The following ZBTB4 variants were observed in gnomAD, a reference collection of about 807,000 sequenced individuals.
ZBTB4 encodes the protein zinc finger and BTB domain-containing protein 4.
Under a neutral mutation model 59.8 loss-of-function variants are expected in ZBTB4, and 14 were observed. The ratio of observed to expected loss-of-function variants is 0.23; its 90% CI spans 0.15 to 0.37. The LOEUF is 0.37. Among genes scored for constraint, ZBTB4 ranks in the 10% least tolerant of loss-of-function variants. The probability of loss-of-function intolerance (pLI) is 1.00; values close to 1 mark genes in which losing one functional copy is unlikely to be tolerated. For missense variants in ZBTB4, 1,198 were observed against 1,380.8 expected, an observed-to-expected ratio of 0.87 and a Z score of 2.10; for synonymous variants, 587 against 575.2, an observed-to-expected ratio of 1.02 and a Z score of -0.29.
upstream of ZBTB4, among the ~76,000 whole-genome samples, chr17:7,480,765 TATAA>T (rs2070334920): frequency 6.6e-6 from 1 of 151,876 alleles, no homozygotes; most frequent in Non-Finnish European, 1.5e-5. Context: ...CCATGCAAGA[TATAA>T]ATAAACAAAT....
upstream of ZBTB4, chr17:7,482,243 C>G: frequency 1.2e-6 from 2 of 1,614,030 alleles, no homozygotes; most frequent in Non-Finnish European, 1.7e-6. Flanking sequence ...TGCCCTGCTA[C>G]TTAAACTGCG....
chr17:7,463,095 G>A lies in ZBTB4; in HGVS notation c.1887C>T (p.Ser629=), dbSNP rs779134500. Residue 629 remains serine, a synonymous_variant, in exon 4 of 4, where the codon AGC becomes AGT. Coordinates refer to ENST00000380599, the MANE Select transcript of ZBTB4 (RefSeq NM_001128833.2). ...CCTCACTCTCCTCCATCTCCTCTCCGCTCAGCTCCCCAGGACGCAGGTCAG... is the reference window on the plus strand; with the variant it reads ...CCTCACTCTCCTCCATCTCCTCTCCACTCAGCTCCCCAGGACGCAGGTCAG... ...SETDLRPGEL[S]GEEMEESEED... 53 of 1,609,988 alleles carry A rather than the reference G, an allele frequency of 3.3e-5. No homozygotes were observed. The highest frequency in any genetic ancestry group is 8.0e-5 in the African/African-American group (6 of 74,904).
intron 1 of ZBTB4, among the ~76,000 whole-genome samples, chr17:7,472,534 C>T (rs1289086515): frequency 6.6e-6 from 1 of 151,112 alleles, no homozygotes; most frequent in African/African-American, 2.4e-5. Flanking sequence ...TTTCACCATG[C>T]TGGCAAGGCT....
At chr17:7,467,106 C>G in intron 2 of ZBTB4, 151 bp downstream of exon 2, 1 of 944,474 alleles carries the variant, frequency 1.1e-6, no homozygotes, top group African/African-American at 1.8e-5. Context: ...GTAAGTGAGG[C>G]AAATCTCTCT....
chr17:7,474,734 A>AGG (rs945065169), intron 1 of ZBTB4, among the ~76,000 whole-genome samples: 2 of 152,104 alleles, frequency 1.3e-5, no homozygotes, highest in Admixed American at 1.3e-4. Flanking sequence ...CTTCTGGGCC[A>AGG]GGCACAGTGG....
upstream of ZBTB4, chr17:7,483,475 A>C: frequency 4.2e-6 from 1 of 236,658 alleles, no homozygotes; most frequent in Non-Finnish European, 8.5e-6. Context: ...ATTGACATCA[A>C]ACAAGGATTA....
At chr17:7,464,939 A>T (rs541980030) in intron 3 of ZBTB4, among the ~76,000 whole-genome samples, 1 of 147,534 alleles carries the variant, frequency 6.8e-6, no homozygotes, top group Non-Finnish European at 1.5e-5. Context: ...GGTGGATCAC[A>T]AGGTCAGGAA....
rs747137419 is a variant in ZBTB4, at chr17:7,466,100, G to A, written c.702C>T (p.Leu234=). 1.9e-6 allele frequency: 3 copies of A among 1,606,568 alleles called. No homozygotes were observed. Among genetic ancestry groups the A allele is most frequent in the Non-Finnish European group, 2.6e-6 (3 of 1,175,642 alleles). The part of the protein sequence containing the change: ...DLQCSLPRRP[L]PCPQCGKSFI... ...AGCTTTTTCCACACTGGGGGCAGGG[G>A]AGGGGCCGCCGGGGCAGGGAGCACT... is the stretch of plus-strand genomic sequence containing the variant. The change falls in exon 3 of 4, where the codon CTC becomes CTT. Residue 234 remains leucine (L), a synonymous_variant. Coordinates refer to ENST00000380599, the MANE Select transcript of ZBTB4 (RefSeq NM_001128833.2). This position sits in a 1 kb window ranked among gnomAD's most constrained non-coding sequence, Gnocchi z 9.1.
chr17:7,466,283 G>T lies in ZBTB4; in HGVS notation c.519C>A (p.Ser173=). 6.2e-7 allele frequency: 1 copy of T among 1,613,398 alleles called. No homozygotes were observed. The highest frequency in any genetic ancestry group is 8.5e-7 in the Non-Finnish European group (1 of 1,179,564). ...IGALGRRLGI[S]RLQGLGEGGD... is the part of the protein sequence containing the mutation. ...CTCCCTCCCCCAGGCCCTGAAGGCG[G>T]GAGATGCCCAGACGGCGCCCCAAAG... The change falls in exon 3 of 4, where the codon TCC becomes TCA. Residue 173 remains serine, a synonymous_variant. Coordinates refer to ENST00000380599, the MANE Select transcript of ZBTB4 (RefSeq NM_001128833.2). The surrounding 1 kb of genome is among the most constrained non-coding windows in gnomAD (Gnocchi z 9.1).
intron 3 of ZBTB4, among the ~76,000 whole-genome samples, chr17:7,464,434 A>G (rs2070082645): frequency 2.3e-5 from 2 of 85,348 alleles, no homozygotes; most frequent in Admixed American, 2.0e-4. Flanking sequence ...AAAAAAAGAA[A>G]AAAAAAAAAA....
intron 1 of ZBTB4, among the ~76,000 whole-genome samples, chr17:7,467,562 C>T (rs1318495280): frequency 6.6e-6 from 1 of 152,138 alleles, no homozygotes; most frequent in Non-Finnish European, 1.5e-5. Flanking sequence ...CCTTGTTCTG[C>T]GGGCCCAGAG....
chr17:7,474,513 C>T lies in ZBTB4; in HGVS notation c.-81+4943G>A, dbSNP rs182639233. 2.4e-3 allele frequency among the ~76,000 whole-genome samples: 368 copies of T among 152,178 alleles called. 4 individuals carry two copies. Among genetic ancestry groups the T allele is most frequent in the South Asian group, 3.9e-3 (19 of 4,820 alleles). ...AATTACAGGTGTGAGCCACAGCGCC[C>T]GGCCAAGGGTAGGGAATTTTGTCTG... On this transcript the variant is annotated intron_variant, in intron 1 of 3. Coordinates refer to ENST00000380599, the MANE Select transcript of ZBTB4 (RefSeq NM_001128833.2).
At chr17:7,473,556 T>C (rs957028083) in intron 1 of ZBTB4, among the ~76,000 whole-genome samples, 6 of 151,956 alleles carry the variant, frequency 3.9e-5, no homozygotes, top group Non-Finnish European at 8.8e-5. Context: ...CAATTATTTA[T>C]CTTTTTTTGA....
upstream of ZBTB4, among the ~76,000 whole-genome samples, chr17:7,480,278 C>G (rs1446483818): frequency 4.6e-5 from 7 of 152,180 alleles, no homozygotes; most frequent in Non-Finnish European, 1.0e-4. Context: ...CCTCTGGGGA[C>G]AGCATCAACA....
chr17:7,470,524 G>A (rs563679457), intron 1 of ZBTB4, among the ~76,000 whole-genome samples: 19 of 152,038 alleles, frequency 1.2e-4, no homozygotes, highest in Admixed American at 2.6e-4. Flanking sequence ...GTGAAACACC[G>A]TCTCTACTTA....
chr17:7,464,423 C>CA (rs1567685485), intron 3 of ZBTB4, among the ~76,000 whole-genome samples: 1 of 48,774 alleles, frequency 2.1e-5, no homozygotes, highest in Non-Finnish European at 3.8e-5. Context: ...GAGACTCTGT[C>CA]AAAAAAAGAA....
At chr17:7,482,427 G>T (rs1219234500), upstream of ZBTB4, 2 of 1,613,912 alleles carry the variant, frequency 1.2e-6, no homozygotes, top group African/African-American at 2.7e-5. Context: ...CTCACCCTCT[G>T]CCTTGAGAGC....
chr17:7,482,292 G>C, upstream of ZBTB4: 1 of 1,614,020 alleles, frequency 6.2e-7, no homozygotes, highest in Non-Finnish European at 8.5e-7. Context: ...ATCCGAGGCC[G>C]GGCCTACTTC....
upstream of ZBTB4, chr17:7,481,867 A>C (rs1245949279): frequency 3.3e-5 from 46 of 1,374,374 alleles, no homozygotes; most frequent in African/African-American, 4.4e-5. Flanking sequence ...AGAGTTCCTC[A>C]GCAAGATAGC....
Sources: gnomAD v4.1 joint callset for allele counts (sites outside exome capture counted in the v4.1 genomes callset) on GRCh38, gnomAD v4.1.1 for gene constraint, Gnocchi (gnomAD v3.1) non-coding constraint, MANE v1.5 for transcripts, NCBI Gene and HGNC (gene_info 2026-07-23, HGNC 2026-07-21) for gene names.